RBFOX1: variants seen among roughly 807,000 people sequenced by gnomAD.
The protein encoded by RBFOX1 is RNA binding protein fox-1 homolog 1.
A neutral mutation model predicts 57.7 loss-of-function variants in RBFOX1; 8 were observed. The ratio of observed to expected loss-of-function variants is 0.14; its 90% CI spans 0.08 to 0.25. The LOEUF (loss-of-function observed/expected upper bound fraction) is 0.25. Ranked by LOEUF, RBFOX1 falls within the 10% of genes least tolerant of loss-of-function variation. RBFOX1 has a pLI of 1.00. For synonymous variants in RBFOX1, 326 were observed against 222.4 expected, an observed-to-expected ratio of 1.47 and a Z score of -4.15; for missense variants, 611 against 548.5, an observed-to-expected ratio of 1.11 and a Z score of -1.14.
chr16:5,987,944 A>G (rs981956845), intron 4 of RBFOX1, among the ~76,000 whole-genome samples: 3 of 152,180 alleles, frequency 2.0e-5, no homozygotes, highest in African/African-American at 7.2e-5. Flanking sequence ...CAGAGAGTGA[A>G]GATCAGAGAG....
intron 1 of RBFOX1, among the ~76,000 whole-genome samples, chr16:6,276,712 A>G (rs1311325486): frequency 6.6e-6 from 1 of 152,004 alleles, no homozygotes; most frequent in Non-Finnish European, 1.5e-5. Context: ...TACTGGTCGC[A>G]TTAAGTTCCC....
At chr16:7,634,544 T>C (rs1017380851) in intron 11 of RBFOX1, among the ~76,000 whole-genome samples, 1 of 152,240 alleles carries the variant, frequency 6.6e-6, no homozygotes, top group African/African-American at 2.4e-5. Flanking sequence ...TTATCTGCTT[T>C]TGATATGCAT....
At chr16:6,216,997 G>T (rs529032439) in intron 1 of RBFOX1, among the ~76,000 whole-genome samples, 10 of 152,012 alleles carry the variant, frequency 6.6e-5, no homozygotes, top group Admixed American at 6.6e-4. Context: ...GTGTATGCTT[G>T]GAATTTCGGC....
intron 3 of RBFOX1, among the ~76,000 whole-genome samples, chr16:5,863,616 C>G (rs1400481696): frequency 2.0e-5 from 3 of 152,184 alleles, no homozygotes; most frequent in African/African-American, 7.2e-5. Flanking sequence ...ATAATTTTGA[C>G]TATGAAATCC....
intron 3 of RBFOX1, among the ~76,000 whole-genome samples, chr16:5,709,712 A>G (rs1363592569): frequency 3.4e-5 from 3 of 87,590 alleles, no homozygotes; most frequent in Admixed American, 1.2e-4. Flanking sequence ...CTGGTATTCT[A>G]TGGTATATAT....
Position 6,463,291 on chromosome 16 carries a change from G to A in RBFOX1, c.-64+146234G>A, listed in dbSNP as rs539339212. 1.1e-4 allele frequency among the ~76,000 whole-genome samples: 16 copies of A among 152,126 alleles called. No homozygotes were observed. The East Asian group carries it at 2.7e-3, about 26-fold the overall frequency. ...CATATTCCACCCTTTCTGTTAACTC[G>A]GATGTGTGCATATACTCACACAGAT... On this transcript the variant is annotated intron_variant, in intron 2 of 15. Transcript: ENST00000550418.
chr16:6,129,130 A>G (rs1450216938), intron 1 of RBFOX1, among the ~76,000 whole-genome samples: 1 of 152,232 alleles, frequency 6.6e-6, no homozygotes, highest in Non-Finnish European at 1.5e-5. Context: ...TTTATTAAAC[A>G]TATGAATAAA....
chr16:6,438,789 C>G (rs1252156072), intron 2 of RBFOX1, among the ~76,000 whole-genome samples: 1 of 151,852 alleles, frequency 6.6e-6, no homozygotes, highest in African/African-American at 2.4e-5. Flanking sequence ...ATGCATAATG[C>G]TACTAGGACA....
At chr16:6,974,137 G>A (rs952518826) in intron 3 of RBFOX1, among the ~76,000 whole-genome samples, 11 of 152,104 alleles carry the variant, frequency 7.2e-5, no homozygotes, top group East Asian at 3.9e-4. Flanking sequence ...ATAGAATTCC[G>A]TGGTGTATAT....
intron 2 of RBFOX1, among the ~76,000 whole-genome samples, chr16:6,524,889 C>G (rs2096557761): frequency 1.3e-5 from 2 of 152,122 alleles, no homozygotes; most frequent in Admixed American, 6.6e-5. Context: ...GACACCATTC[C>G]CTGGATTTAG....
intron 3 of RBFOX1, among the ~76,000 whole-genome samples, chr16:5,761,066 G>T (rs1001777499): frequency 3.9e-5 from 6 of 152,220 alleles, no homozygotes; most frequent in African/African-American, 1.4e-4. Flanking sequence ...GGGGCAGGAA[G>T]GATCCAGTTG....
At chr16:7,678,219 A>G (rs1190439961) in intron 14 of RBFOX1, among the ~76,000 whole-genome samples, 1 of 152,214 alleles carries the variant, frequency 6.6e-6, no homozygotes, top group Non-Finnish European at 1.5e-5. Flanking sequence ...TTCTCAATAC[A>G]TAAATTATAC....
rs1264578948 is a variant in RBFOX1 at position 6,350,390 on chromosome 16, G to A, written c.-64+33333G>A. ...CAGGAGGCAGAGGTTGCTGTGAGCC[G>A]AGATCGCACCATTGCGCTCCAGCCT... On this transcript the variant is annotated intron_variant, in intron 2 of 15. Coordinates refer to ENST00000550418, the MANE Select transcript of RBFOX1 (RefSeq NM_018723.4). 8.9e-5 allele frequency among the ~76,000 whole-genome samples: 12 copies of A among 134,278 alleles called. No individual in the cohort carries two copies. The East Asian group carries it at 2.5e-3, about 28-fold the overall frequency. The allele number at this position is 134,278 out of a possible 152,430, so 88.1% of individuals were successfully genotyped here.
intron 1 of RBFOX1, among the ~76,000 whole-genome samples, chr16:5,312,738 T>G (rs2064126183): frequency 6.6e-6 from 1 of 152,140 alleles, no homozygotes; most frequent in Non-Finnish European, 1.5e-5. Flanking sequence ...AGGAAAAAAT[T>G]CTCAACATCA....
intron 4 of RBFOX1, among the ~76,000 whole-genome samples, chr16:7,215,467 A>C (rs183399340): frequency 1.2e-3 from 189 of 152,278 alleles, no homozygotes; most frequent in Admixed American, 2.6e-3. Flanking sequence ...GCACATATAC[A>C]CCATGGAATT....
intron 3 of RBFOX1, among the ~76,000 whole-genome samples, chr16:5,718,431 G>T (rs2051799586): frequency 6.6e-6 from 1 of 152,194 alleles, no homozygotes; most frequent in African/African-American, 2.4e-5. Flanking sequence ...GGTGTGGTTT[G>T]TTATGCAGGT....
At chr16:6,620,718 G>A (rs2098217271) in intron 2 of RBFOX1, among the ~76,000 whole-genome samples, 1 of 152,162 alleles carries the variant, frequency 6.6e-6, no homozygotes, top group African/African-American at 2.4e-5. Flanking sequence ...ACAAGATTAT[G>A]AAACCCTCTC....
chr16:7,503,953 T>G (rs2071881820), intron 4 of RBFOX1, among the ~76,000 whole-genome samples: 1 of 152,216 alleles, frequency 6.6e-6, no homozygotes, highest in Admixed American at 6.5e-5. Context: ...GTCTTGACTG[T>G]GTATTATAGT....
At chr16:7,599,191 T>C (rs1002050504) in intron 9 of RBFOX1, among the ~76,000 whole-genome samples, 8 of 152,154 alleles carry the variant, frequency 5.3e-5, no homozygotes, top group Non-Finnish European at 8.8e-5. Flanking sequence ...GCCTTTCCAG[T>C]TGGGTAAAAG....
Sources: allele counts gnomAD v4.1 joint callset (sites outside exome capture counted in the v4.1 genomes callset), GRCh38; gene constraint gnomAD v4.1.1; transcripts MANE v1.5; gene names NCBI Gene and HGNC (gene_info 2026-07-23, HGNC 2026-07-21).